CCDC171: variants seen among roughly 807,000 people sequenced by gnomAD.
The protein encoded by CCDC171 is coiled-coil domain-containing protein 171.
CCDC171 carries 177 observed loss-of-function variants against 168.2 expected under a neutral mutation model. The ratio of observed to expected loss-of-function variants is 1.05; its 90% CI spans 0.93 to 1.19. CCDC171 has a LOEUF of 1.19. Among genes scored for constraint, CCDC171 ranks in the 50% most tolerant of loss-of-function variants. The pLI, the probability that CCDC171 is intolerant of heterozygous loss-of-function variation, is 0.00. For missense variants in CCDC171, 1,991 were observed against 1,539.0 expected (o/e 1.29, Z -4.91); for synonymous variants, 687 against 540.8 (o/e 1.27, Z -3.75).
At chr9:16,073,934 A>G in the CCDC171 span, among the ~76,000 whole-genome samples, 4 of 152,222 alleles carry the variant, frequency 2.6e-5, no homozygotes, top group Non-Finnish European at 5.9e-5. Flanking sequence ...TGTCTTTGGT[A>G]GAGTATCTCA....
At chr9:15,689,318 T>G (rs1196560224) in intron 10 of CCDC171, among the ~76,000 whole-genome samples, 1 of 152,180 alleles carries the variant, frequency 6.6e-6, no homozygotes, top group Non-Finnish European at 1.5e-5. Context: ...AAAATCTCAG[T>G]TGACTTTTTG....
At position 15,784,609 on chromosome 9, in the gene CCDC171, A is replaced by G; in HGVS notation, c.3182A>G (p.Gln1061Arg). The G allele has an allele frequency of 1.2e-6, 2 of 1,613,444 alleles. No homozygotes were observed. Among genetic ancestry groups the G allele is most frequent in the Non-Finnish European group, 1.7e-6 (2 of 1,179,526 alleles). Residue 1061 changes from glutamine to arginine, a missense_variant, in exon 21 of 26, where the codon CAA becomes CGA. Physicochemically the swap from Gln to Arg is conservative, Grantham distance 43 (BLOSUM62 1). Coordinates refer to ENST00000380701, the MANE Select transcript of CCDC171 (RefSeq NM_173550.4). ...QAQMLLNEQAQQLQELNYKLE... is the reference protein window; with the variant it reads ...QAQMLLNEQARQLQELNYKLE... ...CAAATGCTATTGAATGAACAGGCAC[A>G]ACAACTACAGGAATTGAATTATAAA...
chr9:15,760,689 A>T (rs911636658), intron 18 of CCDC171, among the ~76,000 whole-genome samples: 1 of 152,126 alleles, frequency 6.6e-6, no homozygotes, highest in East Asian at 1.9e-4. Flanking sequence ...TTACCTTTTC[A>T]TGAAACAGGA....
chr9:15,557,949 T>G (rs199936731), intron 1 of CCDC171, among the ~76,000 whole-genome samples: 3 of 151,818 alleles, frequency 2.0e-5, no homozygotes, highest in African/African-American at 7.3e-5. Flanking sequence ...TAGCATGAAG[T>G]GTTGTTGAAT....
intron 18 of CCDC171, among the ~76,000 whole-genome samples, chr9:15,756,155 A>G (rs2056099837): frequency 6.6e-6 from 1 of 152,126 alleles, no homozygotes; most frequent in African/African-American, 2.4e-5. Flanking sequence ...TATTTTGTAG[A>G]TGGATCCACT....
chr9:15,586,554 T>C (rs1251421669), intron 4 of CCDC171, among the ~76,000 whole-genome samples: 1 of 152,148 alleles, frequency 6.6e-6, no homozygotes, highest in Non-Finnish European at 1.5e-5. Flanking sequence ...ACCATTGGAA[T>C]TATGTATGGG....
At chr9:15,603,730 T>C (rs1361779374) in intron 6 of CCDC171, among the ~76,000 whole-genome samples, 2 of 151,436 alleles carry the variant, frequency 1.3e-5, no homozygotes, top group Non-Finnish European at 2.9e-5. Context: ...CATGTGTCTT[T>C]ATAGTAGAAT....
intron 24 of CCDC171, among the ~76,000 whole-genome samples, chr9:15,907,803 A>G (rs1822933939): frequency 6.6e-6 from 1 of 152,062 alleles, no homozygotes; most frequent in Non-Finnish European, 1.5e-5. Flanking sequence ...AACTCCAACA[A>G]ATTTATAAGA....
At chr9:16,071,141 C>A in the CCDC171 span, among the ~76,000 whole-genome samples, 1 of 152,124 alleles carries the variant, frequency 6.6e-6, no homozygotes, top group African/African-American at 2.4e-5. Flanking sequence ...GAGAGGGAGG[C>A]AGAGAGAGGA....
At chr9:15,958,516 G>GTATTATATTATATTA (rs59603926) in intron 25 of CCDC171, among the ~76,000 whole-genome samples, 8,113 of 136,546 alleles carry the variant, frequency 0.059, 320 homozygotes, top group East Asian at 0.097. Context: ...CGGAGGTGAG[G>GTATTATATTATATTA]TATTATATTA....
At chr9:15,997,460 T>C (rs1832409609) in intron 3 of CCDC171, among the ~76,000 whole-genome samples, 1 of 151,870 alleles carries the variant, frequency 6.6e-6, no homozygotes, top group South Asian at 2.1e-4. Context: ...TTGAAGGGAG[T>C]TCAGAGTGGA....
chr9:15,601,858 A>T (rs1183536117), intron 6 of CCDC171, among the ~76,000 whole-genome samples: 1 of 152,262 alleles, frequency 6.6e-6, no homozygotes, highest in Admixed American at 6.5e-5. Context: ...CTAAATTTAT[A>T]AAATATAATT....
At chr9:15,737,118 A>G (rs2054547797) in intron 16 of CCDC171, among the ~76,000 whole-genome samples, 1 of 152,052 alleles carries the variant, frequency 6.6e-6, no homozygotes, top group Non-Finnish European at 1.5e-5. Flanking sequence ...ACACTATATC[A>G]TAAATTGCTA....
intron 23 of CCDC171, among the ~76,000 whole-genome samples, chr9:15,862,666 C>T (rs143237343): frequency 6.6e-6 from 1 of 151,374 alleles, no homozygotes; most frequent in African/African-American, 2.4e-5. Flanking sequence ...TCTCAGACTT[C>T]AAGGATTGGC....
chr9:15,674,537 C>T (rs1475555992), intron 9 of CCDC171, among the ~76,000 whole-genome samples: 2 of 152,142 alleles, frequency 1.3e-5, no homozygotes, highest in Non-Finnish European at 2.9e-5. Flanking sequence ...TTAACTATGT[C>T]CCAGAGATTC....
chr9:15,652,038 A>T (rs1046967607), intron 7 of CCDC171, among the ~76,000 whole-genome samples: 10 of 152,214 alleles, frequency 6.6e-5, no homozygotes, highest in Non-Finnish European at 4.4e-5. Flanking sequence ...CCTCCCAAGT[A>T]GCTGGGACCA....
chr9:15,659,842 T>C (rs946456290), intron 8 of CCDC171, among the ~76,000 whole-genome samples: 5 of 152,172 alleles, frequency 3.3e-5, no homozygotes, highest in Non-Finnish European at 5.9e-5. Context: ...AGGTGTTTAT[T>C]ATCTTTTCAC....
At chr9:15,628,172 G>A (rs2045331070) in intron 7 of CCDC171, among the ~76,000 whole-genome samples, 1 of 152,162 alleles carries the variant, frequency 6.6e-6, no homozygotes, top group Admixed American at 6.5e-5. Flanking sequence ...GCCAGACAGT[G>A]GGCGCAGGAC....
chr9:15,665,598 T>G (rs1358482623), intron 8 of CCDC171, among the ~76,000 whole-genome samples: 1 of 152,026 alleles, frequency 6.6e-6, no homozygotes, highest in Non-Finnish European at 1.5e-5. Context: ...CTGGGCAAGA[T>G]AGCAAGGCCC....
Sources: allele counts gnomAD v4.1 joint callset (sites outside exome capture counted in the v4.1 genomes callset), GRCh38; gene constraint gnomAD v4.1.1; transcripts MANE v1.5; gene names NCBI Gene and HGNC (gene_info 2026-07-23, HGNC 2026-07-21).